BCL6: variants seen among roughly 807,000 people sequenced by gnomAD.
BCL6 encodes the protein BCL6 transcription repressor, also known as B-cell lymphoma 6 protein.
Under a neutral mutation model 59.5 loss-of-function variants are expected in BCL6, and 7 were observed. That is an observed-to-expected ratio of 0.12 (90% CI 0.07 to 0.22). The LOEUF (loss-of-function observed/expected upper bound fraction) is 0.22. Ranked by LOEUF, BCL6 falls within the 10% of genes least tolerant of loss-of-function variation. BCL6 has a pLI of 1.00. For synonymous variants in BCL6, 339 were observed against 349.7 expected (o/e 0.97, Z 0.34); for missense variants, 685 against 939.4 (o/e 0.73, Z 3.54).
intron 1 of BCL6, among the ~76,000 whole-genome samples, chr3:187,743,288 GA>G (rs537445883): frequency 7.6e-6 from 1 of 131,334 alleles, no homozygotes; most frequent in South Asian, 2.6e-4. Flanking sequence ...ACTATAAACT[GA>G]AAAAAAAATC....
At chr3:187,728,662 G>A (rs1238395693) in intron 5 of BCL6, 118 bp from the exon 6 acceptor site, 2 of 1,009,746 alleles carry the variant, frequency 2.0e-6, no homozygotes, top group African/African-American at 1.6e-5. Flanking sequence ...CAAGCTCTGA[G>A]ACCCCAGAGT....
intron 1 of BCL6, among the ~76,000 whole-genome samples, 192 bp downstream of exon 1, chr3:187,745,218 A>G (rs537376426): frequency 5.9e-5 from 9 of 152,314 alleles, no homozygotes; most frequent in East Asian, 5.8e-4. Flanking sequence ...GCTAGAATAA[A>G]TAAATATATA....
At chr3:187,736,010 C>T (rs754333170) in intron 1 of BCL6, 1 of 152,220 alleles carries the variant, frequency 6.6e-6, no homozygotes, top group Admixed American at 6.5e-5. Context: ...CAAGACAGCA[C>T]CCTGATGTGG....
Position 187,725,112 on chromosome 3 carries a change from G to C in BCL6, c.1840-34C>G. 2 of 1,612,624 alleles carry C rather than the reference G, an allele frequency of 1.2e-6. No individual in the cohort carries two copies. The highest frequency in any genetic ancestry group is 1.7e-6 in the Non-Finnish European group (2 of 1,179,786). ...AGAAGAAGGCATGAGAGGTCTTCTGGGGTGGGCTGCAGGCCTCTGGGCAGC... is the reference window on the plus strand; with the variant it reads ...AGAAGAAGGCATGAGAGGTCTTCTGCGGTGGGCTGCAGGCCTCTGGGCAGC... On this transcript the variant is annotated intron_variant, in intron 8 of 9. Coordinates refer to ENST00000406870, the MANE Select transcript of BCL6 (RefSeq NM_001706.5). This position sits in a 1 kb window ranked among gnomAD's most constrained non-coding sequence, Gnocchi z 4.7.
At chr3:187,744,726 G>A (rs1201290740) in intron 1 of BCL6, among the ~76,000 whole-genome samples, 1 of 151,964 alleles carries the variant, frequency 6.6e-6, no homozygotes, top group African/African-American at 2.4e-5. Context: ...TTTGCCTCCC[G>A]GAGTTACCCA....
At chr3:187,745,138 C>T (rs527607093) in intron 1 of BCL6, among the ~76,000 whole-genome samples, 8 of 152,158 alleles carry the variant, frequency 5.3e-5, no homozygotes, top group South Asian at 4.1e-4. Context: ...ATAATAAATA[C>T]ATAACAATCT....
chr3:187,743,530 T>C (rs2108481961), intron 1 of BCL6, among the ~76,000 whole-genome samples: 1 of 151,696 alleles, frequency 6.6e-6, no homozygotes, highest in Admixed American at 6.6e-5. Context: ...TCTTTTTTCA[T>C]TTTTTTAAAA....
In BCL6 at chr3:187,725,400, C is replaced by A; in HGVS notation, c.1839+99G>T. The A allele has an allele frequency of 6.4e-7, 1 of 1,568,164 alleles. No individual in the cohort carries two copies. The highest frequency in any genetic ancestry group is 8.6e-7 in the Non-Finnish European group (1 of 1,158,124). On this transcript the variant is annotated intron_variant, in intron 8 of 9. Coordinates refer to ENST00000406870, the MANE Select transcript of BCL6 (RefSeq NM_001706.5). The surrounding 1 kb of genome is among the most constrained non-coding windows in gnomAD (Gnocchi z 4.7). ...TGCCCGCTCCGCTTGCCTGCCCGCT[C>A]CACTTGCCTGCCCACTCCTCCGCTT...
chr3:187,745,323 A>AGCAGCGGCGGCG, intron 1 of BCL6, 87 bp downstream of exon 1: 1 of 401,332 alleles, frequency 2.5e-6, no homozygotes, highest in East Asian at 3.6e-5. Context: ...AATGATCATG[A>AGCAGCGGCGGCG]GCAGCGGCGG....
chr3:187,722,309 GACCCCCACCAC>G lies in BCL6; in HGVS notation c.*138_*148del. The G allele has an allele frequency of 1.5e-5, 1 of 68,662 alleles. No individual in the cohort carries two copies. The highest frequency in any genetic ancestry group is 2.7e-5 in the Non-Finnish European group (1 of 37,330). 4.3% of individuals were successfully genotyped at this position (68,662 alleles called of 1,614,324 possible). ...TGCGGCTCCCAGTCCCCCAGGCCCC[GACCCCCACCAC>G]CCCCAACCCCCAGCTATGATTTGCA... On this transcript the variant is annotated 3_prime_UTR_variant, in exon 10 of 10. Transcript: ENST00000406870.
At chr3:187,744,723 C>G (rs1305083966) in intron 1 of BCL6, among the ~76,000 whole-genome samples, 1 of 152,096 alleles carries the variant, frequency 6.6e-6, no homozygotes, top group African/African-American at 2.4e-5. Flanking sequence ...CTTTTTGCCT[C>G]CCGGAGTTAC....
At chr3:187,737,214 T>C (rs1014995792) in intron 1 of BCL6, 3 of 151,996 alleles carry the variant, frequency 2.0e-5, no homozygotes, top group Non-Finnish European at 2.9e-5. Flanking sequence ...TTTAGCTCTT[T>C]TGGCGCTTTC....
rs1446001564 is a variant in BCL6, at chr3:187,730,030, G to GA, written c.384-10dup. ...AAACCATCTCTGCTTCACTGTGAAA[G>GA]AAAAAAAGAGGAAAGACACCGGCCC... On this transcript the variant is annotated splice_polypyrimidine_tract_variant and intron_variant, in intron 4 of 9. Coordinates refer to ENST00000406870, the MANE Select transcript of BCL6 (RefSeq NM_001706.5). 1 of 1,530,010 alleles carries GA rather than the reference G, an allele frequency of 6.5e-7. No homozygotes were observed. 94.8% of individuals were successfully genotyped at this position (1,530,010 alleles called of 1,614,324 possible). A position where few individuals can be genotyped will look rare whatever the true frequency, so the allele number is the denominator to read the frequency against.
chr3:187,731,869 C>T lies in BCL6; in HGVS notation c.223G>A (p.Asp75Asn). 1 of 1,614,130 alleles carries T rather than the reference C, an allele frequency of 6.2e-7. No individual in the cohort carries two copies. Among genetic ancestry groups the T allele is most frequent in the East Asian group, 2.2e-5 (1 of 44,876 alleles). The change falls in exon 4 of 10, where the codon GAT (aspartate) becomes AAT (asparagine). Residue 75 changes from aspartate to asparagine, a missense_variant. Physicochemically the swap from Asp to Asn is conservative, Grantham distance 23 (BLOSUM62 1). Coordinates refer to ENST00000406870, the MANE Select transcript of BCL6 (RefSeq NM_001706.5). The stretch of plus-strand genomic sequence containing the variant: ...AATCCCTCAGGGTTGATCTCAGGAT[C>T]TAGATTGATCACACTAAGGTTGCAT... ...LKCNLSVINLDPEINPEGFCI... is the reference protein window; with the variant it reads ...LKCNLSVINLNPEINPEGFCI...
chr3:187,744,590 A>G (rs1188325302), intron 1 of BCL6, among the ~76,000 whole-genome samples: 2 of 152,248 alleles, frequency 1.3e-5, no homozygotes, highest in East Asian at 3.9e-4. Flanking sequence ...AAACAAAAAC[A>G]AAAACCCAAA....
intron 1 of BCL6, chr3:187,736,146 A>G (rs1400106761): frequency 1.3e-5 from 2 of 151,832 alleles, no homozygotes; most frequent in Admixed American, 1.3e-4. Flanking sequence ...ACACTCTGAC[A>G]TTTCTCTGTG....
At chr3:187,723,967 A>G (rs1447009984) in intron 9 of BCL6, among the ~76,000 whole-genome samples, 2 of 152,264 alleles carry the variant, frequency 1.3e-5, no homozygotes, top group African/African-American at 4.8e-5. Flanking sequence ...ACTATTTTCA[A>G]ACTCACTTTA....
intron 1 of BCL6, among the ~76,000 whole-genome samples, chr3:187,744,886 T>G (rs116216672): frequency 3.3e-5 from 5 of 152,058 alleles, no homozygotes; most frequent in South Asian, 2.1e-4. Flanking sequence ...TCACAAGCCG[T>G]ACGCAAGCAG....
intron 9 of BCL6, 74 bp downstream of exon 9, chr3:187,724,867 T>C: frequency 6.3e-7 from 1 of 1,592,788 alleles, no homozygotes; most frequent in Non-Finnish European, 8.6e-7. Flanking sequence ...TCCACCTCCT[T>C]CCCTGCGCTC....
Sources: gnomAD v4.1 joint callset for allele counts (sites outside exome capture counted in the v4.1 genomes callset) on GRCh38, gnomAD v4.1.1 for gene constraint, Gnocchi (gnomAD v3.1) non-coding constraint, MANE v1.5 for transcripts, NCBI Gene and HGNC (gene_info 2026-07-23, HGNC 2026-07-21) for gene names.